Variants in KLC1 observed in about 807,000 individuals in gnomAD.
The protein encoded by KLC1 is kinesin 2 60/70kDa.
A neutral mutation model predicts 84.2 loss-of-function variants in KLC1; 30 were observed. The ratio of observed to expected loss-of-function variants is 0.36; its 90% CI spans 0.27 to 0.48. KLC1 has a LOEUF of 0.48. Ranked by LOEUF, KLC1 falls within the 20% of genes least tolerant of loss-of-function variation. The pLI, the probability that KLC1 is intolerant of heterozygous loss-of-function variation, is 0.99. For synonymous variants in KLC1, 289 were observed against 293.3 expected (o/e 0.99, Z 0.15); for missense variants, 499 against 805.4 (o/e 0.62, Z 4.60).
Position 103,667,161 on chromosome 14 carries a change from G to T in KLC1, c.798-2350G>T, listed in dbSNP as rs1170941201. Among the ~76,000 whole-genome samples the T allele has an allele frequency of 1.4e-4, 21 of 151,792 alleles. No homozygotes were observed. The East Asian group carries it at 3.9e-3, about 28-fold the overall frequency. On this transcript the variant is annotated intron_variant, in intron 5 of 16. Transcript: ENST00000334553. ...AGTTTCACTCTTGTTGGCCAGGCTG[G>T]AGTGCAATGGCACAATCTCAGCTCA...
At chr14:103,699,402 T>C (rs1876344813) in intron 15 of KLC1, 1 of 1,612,068 alleles carries the variant, frequency 6.2e-7, no homozygotes, top group Non-Finnish European at 8.5e-7. Flanking sequence ...AAGGCACTGC[T>C]CAGCTCACGC....
chr14:103,697,582 G>A (rs1174176717), intron 15 of KLC1: 1 of 152,222 alleles, frequency 6.6e-6, no homozygotes, highest in Admixed American at 6.5e-5. Flanking sequence ...ACTCAGAGCA[G>A]TGCCTGGCAG....
At chr14:103,685,685 G>A (rs910661333) in intron 13 of KLC1, 48 of 1,289,316 alleles carry the variant, frequency 3.7e-5, no homozygotes, top group African/African-American at 2.6e-4. Context: ...GACGGGTGGC[G>A]CCTCCCGCAG....
At chr14:103,661,937 T>G (rs1053904373) in intron 3 of KLC1, among the ~76,000 whole-genome samples, 179 bp from the exon 4 acceptor site, 2 of 152,230 alleles carry the variant, frequency 1.3e-5, no homozygotes, top group African/African-American at 4.8e-5. Flanking sequence ...TAAAAAGCTT[T>G]TCATTACTCC....
At chr14:103,653,717 ACT>A (rs1156322915) in intron 1 of KLC1, among the ~76,000 whole-genome samples, 2 of 152,198 alleles carry the variant, frequency 1.3e-5, no homozygotes, top group South Asian at 4.1e-4. Flanking sequence ...GAAGGAAATA[ACT>A]CTGACGTGTA....
Position 103,662,362 on chromosome 14 carries a change from C to T in KLC1, c.571+168C>T, listed in dbSNP as rs566943689. Among the ~76,000 whole-genome samples, 6 of 152,222 alleles carry T rather than the reference C, an allele frequency of 3.9e-5. No homozygotes were observed. The South Asian group carries it at 1.0e-3, about 26-fold the overall frequency. Reference sequence around the variant, plus strand: ...TTCCAAAATAATCTGTGTTGTGATACGGGAATATGCTAGAGCAGACCCTAG... The same window carrying T: ...TTCCAAAATAATCTGTGTTGTGATATGGGAATATGCTAGAGCAGACCCTAG... On this transcript the variant is annotated intron_variant, in intron 4 of 16. Transcript: ENST00000334553.
intron 14 of KLC1, among the ~76,000 whole-genome samples, chr14:103,690,102 C>T (rs1039424389): frequency 6.6e-6 from 1 of 151,908 alleles, no homozygotes; most frequent in African/African-American, 2.4e-5. Flanking sequence ...ATCACTGGAA[C>T]CCAGTAGGGC....
chr14:103,700,640 G>A lies in KLC1; in HGVS notation c.1849-15G>A. 6 of 1,604,472 alleles carry A rather than the reference G, an allele frequency of 3.7e-6. No individual in the cohort carries two copies. Among genetic ancestry groups the A allele is most frequent in the Non-Finnish European group, 5.1e-6 (6 of 1,176,114 alleles). ...TGCACGCCCTGAGTGAAACTCGTCTGTGCTTCATCTCCAGGGCGTCTCTGG... is the reference window on the plus strand; with the variant it reads ...TGCACGCCCTGAGTGAAACTCGTCTATGCTTCATCTCCAGGGCGTCTCTGG... On this transcript the variant is annotated splice_polypyrimidine_tract_variant and intron_variant, in intron 15 of 16. Transcript: ENST00000334553.
chr14:103,695,497 C>T (rs1011226550), intron 15 of KLC1: 5 of 985,200 alleles, frequency 5.1e-6, no homozygotes, highest in Non-Finnish European at 6.0e-6. Context: ...GCACAGGCGA[C>T]AGGGAGGAGG....
intron 7 of KLC1, among the ~76,000 whole-genome samples, chr14:103,671,438 C>T (rs1264181003): frequency 3.3e-5 from 5 of 152,036 alleles, no homozygotes; most frequent in Middle Eastern, 3.4e-3. Context: ...GGCACGATCT[C>T]GGCTCACTGC....
At chr14:103,685,254 G>A in intron 13 of KLC1, 3 of 1,391,440 alleles carry the variant, frequency 2.2e-6, no homozygotes, top group South Asian at 3.3e-5. Flanking sequence ...GAGAATGAAA[G>A]TCATACCTGT....
At position 103,694,701 on chromosome 14, in the gene KLC1, T is replaced by C; in HGVS notation, c.1848+2276T>C. On this transcript the variant is annotated intron_variant, in intron 15 of 16. Transcript: ENST00000334553. The surrounding 1 kb of genome is among the most constrained non-coding windows in gnomAD (Gnocchi z 4.5). ...GGTCTGTGAAACACCAGCCATCCCG[T>C]GAAAGCTCAGCTTGCCACTGTCATG... 1.0e-6 allele frequency: 1 copy of C among 985,452 alleles called. No individual in the cohort carries two copies. Among genetic ancestry groups the C allele is most frequent in the Non-Finnish European group, 1.2e-6 (1 of 829,930 alleles). 61.0% of individuals were successfully genotyped at this position (985,452 alleles called of 1,614,324 possible). A position where few individuals can be genotyped will look rare whatever the true frequency, so the allele number is the denominator to read the frequency against.
chr14:103,662,231 A>C, intron 4 of KLC1, 37 bp downstream of exon 4: 1 of 1,496,626 alleles, frequency 6.7e-7, no homozygotes, highest in South Asian at 1.1e-5. Flanking sequence ...TACCGAGTGC[A>C]GAAGAGAGGT....
In KLC1 at chr14:103,637,110, C is replaced by T. The variant is rs190671196; in HGVS notation, c.-2+7616C>T. ...AGGCTGACGTATTTTTTATACAAGC[C>T]GTTTGCCAGATATATATGTGTCGCA... On this transcript the variant is annotated intron_variant, in intron 1 of 16. Transcript: ENST00000334553. Among the ~76,000 whole-genome samples the T allele has an allele frequency of 1.8e-3, 276 of 151,982 alleles. 2 individuals carry two copies. The highest frequency in any genetic ancestry group is 0.017 in the Middle Eastern group (5 of 294).
intron 1 of KLC1, among the ~76,000 whole-genome samples, chr14:103,638,736 CAGTG>C (rs1386571642): frequency 6.9e-6 from 1 of 144,166 alleles, no homozygotes; most frequent in Non-Finnish European, 1.5e-5. Context: ...TGTATGAACA[CAGTG>C]GGGTGTGTGG....
Position 103,693,593 on chromosome 14 carries a change from C to A in KLC1, c.1848+1168C>A. ...CTGGCCGACTCGCGAGCTCTGAGTG[C>A]CAGCCACACTGACCTGGCCCACTGA... On this transcript the variant is annotated intron_variant, in intron 15 of 16. Coordinates refer to ENST00000334553, the MANE Select transcript of KLC1 (RefSeq NM_001394837.1). This position sits in a 1 kb window ranked among gnomAD's most constrained non-coding sequence, Gnocchi z 5.1. 6.5e-7 allele frequency: 1 copy of A among 1,536,124 alleles called. No individual in the cohort carries two copies. Among genetic ancestry groups the A allele is most frequent in the Middle Eastern group, 1.7e-4 (1 of 5,964 alleles).
At chr14:103,699,631 A>G in intron 15 of KLC1, 1 of 1,580,310 alleles carries the variant, frequency 6.3e-7, no homozygotes, top group Non-Finnish European at 8.7e-7. Context: ...GCCCCAGGTG[A>G]CCAGACCCCG....
intron 3 of KLC1, 34 bp downstream of exon 3, chr14:103,657,810 T>G: frequency 6.7e-7 from 1 of 1,485,784 alleles, no homozygotes; most frequent in Non-Finnish European, 9.3e-7. Flanking sequence ...GGTGCTAATG[T>G]TTAAAATGGA....
At chr14:103,681,153 C>T (rs191430825) in intron 13 of KLC1, among the ~76,000 whole-genome samples, 12 of 152,308 alleles carry the variant, frequency 7.9e-5, no homozygotes, top group Non-Finnish European at 1.8e-4. Context: ...GGCTGTGTAT[C>T]TGGTGTGTCC....
Sources: gnomAD v4.1 joint callset for allele counts (sites outside exome capture counted in the v4.1 genomes callset) on GRCh38, gnomAD v4.1.1 for gene constraint, Gnocchi (gnomAD v3.1) non-coding constraint, MANE v1.5 for transcripts, NCBI Gene and HGNC (gene_info 2026-07-23, HGNC 2026-07-21) for gene names.